The following RBFOX1 variants were observed in gnomAD, a reference collection of about 807,000 sequenced individuals.
RBFOX1 encodes RNA binding protein fox-1 homolog 1.
RBFOX1 carries 8 observed loss-of-function variants against 57.7 expected under a neutral mutation model. That is an observed-to-expected ratio of 0.14 (90% CI 0.08 to 0.25). RBFOX1 has a LOEUF of 0.25. RBFOX1 is among the 10% of genes least tolerant of loss of function. The pLI is 1.00. For synonymous variants in RBFOX1, 326 were observed against 222.4 expected (o/e 1.47, Z -4.15); for missense variants, 611 against 548.5 (o/e 1.11, Z -1.14).
At chr16:6,738,053 G>T (rs568899052) in intron 3 of RBFOX1, among the ~76,000 whole-genome samples, 1 of 144,564 alleles carries the variant, frequency 6.9e-6, no homozygotes, top group Non-Finnish European at 1.5e-5. Flanking sequence ...CAAAGGACTT[G>T]TCTCTTTTTT....
At chr16:5,983,147 C>A (rs895989940) in intron 4 of RBFOX1, among the ~76,000 whole-genome samples, 1 of 152,184 alleles carries the variant, frequency 6.6e-6, no homozygotes, top group African/African-American at 2.4e-5. Flanking sequence ...CCCAGCTCTG[C>A]GTCCCTGCCC....
intron 4 of RBFOX1, among the ~76,000 whole-genome samples, chr16:7,114,133 T>A (rs1259751133): frequency 6.6e-6 from 1 of 152,186 alleles, no homozygotes; most frequent in Non-Finnish European, 1.5e-5. Flanking sequence ...CCTCTTGAGT[T>A]TTTAACTTTC....
chr16:6,370,175 G>A (rs953082682), intron 2 of RBFOX1, among the ~76,000 whole-genome samples: 4 of 151,796 alleles, frequency 2.6e-5, no homozygotes, highest in Non-Finnish European at 4.4e-5. Flanking sequence ...TGGCTAATGC[G>A]GTGAAAACCT....
At chr16:5,250,188 A>T (rs991632823) in intron 1 of RBFOX1, among the ~76,000 whole-genome samples, 4 of 151,868 alleles carry the variant, frequency 2.6e-5, no homozygotes, top group Non-Finnish European at 2.9e-5. Context: ...CTTCCTTTTG[A>T]TTTGCTTTTC....
At chr16:5,892,181 G>A (rs541745147) in intron 4 of RBFOX1, among the ~76,000 whole-genome samples, 12 of 152,310 alleles carry the variant, frequency 7.9e-5, no homozygotes, top group African/African-American at 2.9e-4. Context: ...AAGCAGGACA[G>A]AGAGAGGGGC....
chr16:6,238,308 C>T (rs895294163), intron 1 of RBFOX1, among the ~76,000 whole-genome samples: 1 of 152,056 alleles, frequency 6.6e-6, no homozygotes, highest in Admixed American at 6.6e-5. Flanking sequence ...TTTTGAAACT[C>T]CCTCTTCAGG....
chr16:7,072,794 T>C (rs2057585905), intron 4 of RBFOX1, among the ~76,000 whole-genome samples: 1 of 152,140 alleles, frequency 6.6e-6, no homozygotes, highest in South Asian at 2.1e-4. Context: ...CGGAGACATG[T>C]GAGATGAAGC....
chr16:7,294,793 A>G (rs1302929917), intron 4 of RBFOX1, among the ~76,000 whole-genome samples: 1 of 152,056 alleles, frequency 6.6e-6, no homozygotes, highest in Non-Finnish European at 1.5e-5. Flanking sequence ...GATGATGATG[A>G]TGATGATGAC....
intron 3 of RBFOX1, among the ~76,000 whole-genome samples, chr16:7,007,773 C>T (rs190038767): frequency 2.8e-4 from 42 of 152,266 alleles, no homozygotes; most frequent in African/African-American, 8.4e-4. Context: ...TCCTTAGAAA[C>T]TGTGAGGATG....
chr16:7,508,599 C>G (rs1017600916), intron 4 of RBFOX1, among the ~76,000 whole-genome samples: 3 of 152,126 alleles, frequency 2.0e-5, no homozygotes, highest in Admixed American at 6.5e-5. Context: ...CAGAGATCCC[C>G]AAGGTATGAT....
At chr16:7,356,499 G>A (rs2097216561) in intron 4 of RBFOX1, among the ~76,000 whole-genome samples, 2 of 152,254 alleles carry the variant, frequency 1.3e-5, no homozygotes, top group South Asian at 2.1e-4. Context: ...TGATGGAGGA[G>A]GAGCCTGGCA....
chr16:6,901,234 A>G (rs2068408447), intron 3 of RBFOX1, among the ~76,000 whole-genome samples: 1 of 152,186 alleles, frequency 6.6e-6, no homozygotes. Flanking sequence ...GAAAGATCAG[A>G]CTTCATTCCA....
intron 4 of RBFOX1, among the ~76,000 whole-genome samples, chr16:7,132,750 G>A (rs2070849052): frequency 6.6e-6 from 1 of 151,992 alleles, no homozygotes; most frequent in Non-Finnish European, 1.5e-5. Context: ...AATACTGCAT[G>A]ATTTCACTTA....
chr16:7,405,060 A>G (rs1314570896), intron 4 of RBFOX1, among the ~76,000 whole-genome samples: 3 of 152,186 alleles, frequency 2.0e-5, no homozygotes, highest in Non-Finnish European at 2.9e-5. Flanking sequence ...GTGTGTTTTC[A>G]AAGCTGGGCA....
intron 5 of RBFOX1, among the ~76,000 whole-genome samples, chr16:7,575,863 G>A (rs1411163403): frequency 3.9e-5 from 6 of 152,170 alleles, no homozygotes; most frequent in Non-Finnish European, 5.9e-5. Context: ...AGGCTCTGAG[G>A]TAGCTGCTCT....
intron 3 of RBFOX1, among the ~76,000 whole-genome samples, chr16:6,832,457 C>T (rs904207715): frequency 6.6e-6 from 1 of 152,138 alleles, no homozygotes; most frequent in Non-Finnish European, 1.5e-5. Context: ...GTGCCAAAAC[C>T]CAGCAGTGGT....
At chr16:5,729,368 C>T (rs1041964995) in intron 3 of RBFOX1, among the ~76,000 whole-genome samples, 1 of 150,184 alleles carries the variant, frequency 6.7e-6, no homozygotes, top group Non-Finnish European at 1.5e-5. Context: ...ATAAGCTCAG[C>T]ACACAGCTAG....
At chr16:5,337,209 A>G (rs568530477) in intron 1 of RBFOX1, among the ~76,000 whole-genome samples, 2 of 152,178 alleles carry the variant, frequency 1.3e-5, no homozygotes, top group Non-Finnish European at 2.9e-5. Flanking sequence ...TTGTGGGGCC[A>G]TTGACTGGGC....
rs372478023 is a variant in RBFOX1, at chr16:5,758,252, G to GA, written c.319-109046dup. Among the ~76,000 whole-genome samples the GA allele has an allele frequency of 3.2e-3, 480 of 152,260 alleles. 4 individuals carry two copies. The highest frequency in any genetic ancestry group is 0.017 in the Middle Eastern group (5 of 294). The stretch of plus-strand genomic sequence containing the variant: ...CGATTCTTCACTTTCTTCATGGGGG[G>GA]AAAAAGTTGAAGGCGGTATTGTGGT... On this transcript the variant is annotated intron_variant, in intron 3 of 19. Coordinates refer to the RBFOX1 transcript ENST00000641259.
Sources: allele counts gnomAD v4.1 joint callset (sites outside exome capture counted in the v4.1 genomes callset), GRCh38; gene constraint gnomAD v4.1.1; transcripts MANE v1.5; gene names NCBI Gene and HGNC (gene_info 2026-07-23, HGNC 2026-07-21).